Variants in PRKD1 observed in about 807,000 individuals in gnomAD.
PRKD1 encodes the protein protein kinase D1, also known as serine/threonine-protein kinase D1.
Under a neutral mutation model 95.9 loss-of-function variants are expected in PRKD1, and 63 were observed. The ratio of observed to expected loss-of-function variants is 0.66; its 90% confidence interval spans 0.54 to 0.81. The LOEUF is 0.81. Among genes scored for constraint, PRKD1 ranks in the 30% least tolerant of loss-of-function variants. PRKD1 has a pLI of 0.00. For missense variants in PRKD1, 1,048 were observed against 1,165.3 expected, an observed-to-expected ratio of 0.90 and a Z score of 1.47; for synonymous variants, 425 against 423.1, an observed-to-expected ratio of 1.00 and a Z score of -0.05.
At chr14:29,832,557 T>G (rs1891454446) in intron 1 of PRKD1, among the ~76,000 whole-genome samples, 1 of 152,100 alleles carries the variant, frequency 6.6e-6, no homozygotes, top group Non-Finnish European at 1.5e-5. Context: ...CTTATTTAGC[T>G]CAATAAAATC....
intron 1 of PRKD1, among the ~76,000 whole-genome samples, chr14:29,873,668 G>C (rs1022897864): frequency 6.6e-6 from 1 of 152,028 alleles, no homozygotes; most frequent in African/African-American, 2.4e-5. Context: ...ATGCATTTTA[G>C]TTATTTTTTT....
intron 2 of PRKD1, among the ~76,000 whole-genome samples, chr14:29,705,095 T>A (rs1186271980): frequency 6.6e-6 from 1 of 152,102 alleles, no homozygotes; most frequent in East Asian, 1.9e-4. Context: ...TATAGCCAAA[T>A]CCTTTGAATT....
chr14:29,910,430 G>A (rs920416328), intron 1 of PRKD1, among the ~76,000 whole-genome samples: 6 of 152,120 alleles, frequency 3.9e-5, no homozygotes, highest in South Asian at 4.1e-4. Flanking sequence ...GCGAGGGTCC[G>A]TGGCTTCATT....
intron 1 of PRKD1, among the ~76,000 whole-genome samples, chr14:29,891,625 T>C (rs1893939245): frequency 6.6e-6 from 1 of 151,834 alleles, no homozygotes; most frequent in Non-Finnish European, 1.5e-5. Flanking sequence ...TCTCTCATAA[T>C]CCACCTTTAC....
At chr14:29,890,112 G>A (rs1327454897) in intron 1 of PRKD1, among the ~76,000 whole-genome samples, 2 of 152,138 alleles carry the variant, frequency 1.3e-5, no homozygotes, top group South Asian at 4.1e-4. Context: ...TTTTAATAGT[G>A]TTTTAATACT....
Position 29,710,409 on chromosome 14 carries a change from T to C in PRKD1, c.403+15127A>G, listed in dbSNP as rs558557631. On this transcript the variant is annotated intron_variant, in intron 2 of 17. Coordinates refer to ENST00000331968, the MANE Select transcript of PRKD1 (RefSeq NM_002742.3). Reference sequence around the variant, plus strand: ...CGTGATAAGAAAGCTACTTCACTTCTATGGTATTCTTCCCCAGAATCTGTA... The same window carrying C: ...CGTGATAAGAAAGCTACTTCACTTCCATGGTATTCTTCCCCAGAATCTGTA... 2.6e-5 allele frequency among the ~76,000 whole-genome samples: 4 copies of C among 152,314 alleles called. No homozygotes were observed. The South Asian group carries it at 6.2e-4, about 24-fold the overall frequency.
At chr14:29,656,327 T>A (rs961208971) in intron 4 of PRKD1, 1 of 833,328 alleles carries the variant, frequency 1.2e-6, no homozygotes, top group African/African-American at 1.7e-5. Flanking sequence ...GAGGGCTTTC[T>A]GTGGGTCAAT....
chr14:29,616,147 G>C (rs894381807), intron 13 of PRKD1, among the ~76,000 whole-genome samples: 1 of 139,136 alleles, frequency 7.2e-6, no homozygotes, highest in African/African-American at 2.7e-5. Context: ...AGAGGAGCTA[G>C]CAAGGAAGGA....
intron 2 of PRKD1, among the ~76,000 whole-genome samples, chr14:29,698,457 T>C (rs1884652266): frequency 2.0e-5 from 3 of 152,284 alleles, no homozygotes; most frequent in African/African-American, 4.8e-5. Flanking sequence ...TCCTAGACGG[T>C]AGATACAGAT....
At chr14:29,700,988 G>GCGCGCA (rs140824053) in intron 2 of PRKD1, among the ~76,000 whole-genome samples, 10 of 90,568 alleles carry the variant, frequency 1.1e-4, no homozygotes, top group South Asian at 7.5e-4. Context: ...GCGCGCGCGC[G>GCGCGCA]CACACACACA....
chr14:29,895,639 T>C (rs908729165), intron 1 of PRKD1, among the ~76,000 whole-genome samples: 3 of 152,004 alleles, frequency 2.0e-5, no homozygotes, highest in Non-Finnish European at 4.4e-5. Context: ...TCACCTCTCT[T>C]ATCTCATCTC....
chr14:29,707,095 G>A (rs1885127362), intron 2 of PRKD1, among the ~76,000 whole-genome samples: 1 of 152,114 alleles, frequency 6.6e-6, no homozygotes, highest in African/African-American at 2.4e-5. Context: ...GAGTAGAACA[G>A]GAAGCCATAT....
chr14:29,753,705 T>TA (rs879552871), intron 1 of PRKD1, among the ~76,000 whole-genome samples: 3 of 152,176 alleles, frequency 2.0e-5, no homozygotes, highest in Admixed American at 6.6e-5. Context: ...TAAATACCAG[T>TA]ATGCAACATA....
chr14:29,598,520 T>A (rs1893397632), intron 15 of PRKD1, among the ~76,000 whole-genome samples: 1 of 152,072 alleles, frequency 6.6e-6, no homozygotes, highest in Non-Finnish European at 1.5e-5. Flanking sequence ...TGTCATGTCA[T>A]CCACAATAAT....
chr14:29,671,510 T>C (rs941452509), intron 2 of PRKD1, among the ~76,000 whole-genome samples: 5 of 152,134 alleles, frequency 3.3e-5, no homozygotes, highest in Non-Finnish European at 7.4e-5. Flanking sequence ...CAGAAATAAA[T>C]AGTTTAATGC....
chr14:29,695,269 T>C (rs1255019119), intron 2 of PRKD1, among the ~76,000 whole-genome samples: 3 of 149,752 alleles, frequency 2.0e-5, no homozygotes, highest in Non-Finnish European at 3.0e-5. Flanking sequence ...CCAATTGATA[T>C]ATCTGTGAAT....
At chr14:29,600,671 G>A (rs769937069) in intron 13 of PRKD1, among the ~76,000 whole-genome samples, 25 of 152,146 alleles carry the variant, frequency 1.6e-4, no homozygotes, top group Non-Finnish European at 3.1e-4. Flanking sequence ...ATGTGGTGCG[G>A]TGGTTCTGGA....
intron 13 of PRKD1, among the ~76,000 whole-genome samples, chr14:29,615,063 G>T (rs1185700234): frequency 1.3e-5 from 2 of 151,866 alleles, no homozygotes; most frequent in Non-Finnish European, 2.9e-5. Flanking sequence ...AGCAAGAAAA[G>T]ACTTTAAAGT....
At chr14:29,687,746 TA>T (rs993927783) in intron 2 of PRKD1, among the ~76,000 whole-genome samples, 1 of 152,244 alleles carries the variant, frequency 6.6e-6, no homozygotes, top group African/African-American at 2.4e-5. Flanking sequence ...CTTAAGAGTC[TA>T]ATGTTAAAAC....
Sources: gnomAD v4.1 joint callset for allele counts (sites outside exome capture counted in the v4.1 genomes callset) on GRCh38, gnomAD v4.1.1 for gene constraint, MANE v1.5 for transcripts, NCBI Gene and HGNC (gene_info 2026-07-23, HGNC 2026-07-21) for gene names.